Variants in CAPZA2 observed in about 807,000 individuals in gnomAD.
The protein encoded by CAPZA2 is F-actin-capping protein subunit alpha-2.
CAPZA2 carries 13 observed loss-of-function variants against 44.0 expected under a neutral mutation model. The ratio of observed to expected loss-of-function variants is 0.30; its 90% CI spans 0.19 to 0.47. The LOEUF (loss-of-function observed/expected upper bound fraction) is 0.47. Among genes scored for constraint, CAPZA2 ranks in the 20% least tolerant of loss-of-function variants. The pLI is 1.00. For missense variants in CAPZA2, 244 were observed against 338.6 expected, an observed-to-expected ratio of 0.72 and a Z score of 2.19; for synonymous variants, 94 against 108.2, an observed-to-expected ratio of 0.87 and a Z score of 0.81.
intron 1 of CAPZA2, among the ~76,000 whole-genome samples, chr7:116,886,552 A>T (rs945655969): frequency 6.6e-6 from 1 of 152,218 alleles, no homozygotes; most frequent in Non-Finnish European, 1.5e-5. Context: ...CAAAGCAATG[A>T]TAGTGCTATC....
intron 1 of CAPZA2, among the ~76,000 whole-genome samples, chr7:116,865,699 C>T (rs1434709800): frequency 6.6e-6 from 1 of 152,056 alleles, no homozygotes; most frequent in African/African-American, 2.4e-5. Flanking sequence ...ACCTCAGTCT[C>T]CCCAAGTAGC....
At chr7:116,914,413 A>G (rs958150239) in intron 8 of CAPZA2, among the ~76,000 whole-genome samples, 2 of 146,080 alleles carry the variant, frequency 1.4e-5, no homozygotes, top group Non-Finnish European at 3.0e-5. Context: ...AAGATAAGCT[A>G]TATTTACATA....
chr7:116,909,486 C>T (rs1378613034), intron 6 of CAPZA2, among the ~76,000 whole-genome samples: 1 of 151,738 alleles, frequency 6.6e-6, no homozygotes, highest in Non-Finnish European at 1.5e-5. Flanking sequence ...CAGTTTCAAA[C>T]CATGAATATG....
intron 1 of CAPZA2, among the ~76,000 whole-genome samples, chr7:116,887,773 C>T (rs1207476323): frequency 6.6e-6 from 1 of 152,238 alleles, no homozygotes; most frequent in Non-Finnish European, 1.5e-5. Context: ...GCAGAAGTTG[C>T]AGTGAGCTGA....
Position 116,896,604 on chromosome 7 carries a change from A to G in CAPZA2, c.156-2168A>G, listed in dbSNP as rs537013797. On this transcript the variant is annotated intron_variant, in intron 3 of 9. Coordinates refer to ENST00000361183, the MANE Select transcript of CAPZA2 (RefSeq NM_006136.3). The stretch of plus-strand genomic sequence containing the variant: ...GATGTGGCTAAACTTAGGGAAGAGC[A>G]TGGAGAAAAGTATAAGATACAACTT... Among the ~76,000 whole-genome samples the G allele has an allele frequency of 3.7e-4, 56 of 152,284 alleles. 1 individual carries two copies. The highest frequency in any genetic ancestry group is 1.3e-3 in the African/African-American group (55 of 41,570).
At chr7:116,914,165 C>T (rs1247738674) in intron 8 of CAPZA2, among the ~76,000 whole-genome samples, 1 of 151,334 alleles carries the variant, frequency 6.6e-6, no homozygotes, top group East Asian at 2.0e-4. Context: ...GTAGCTGGGA[C>T]TACAGGTGCC....
At chr7:116,890,777 CAAAAAAAAAAAA>C (rs576504004) in intron 2 of CAPZA2, among the ~76,000 whole-genome samples, 1 of 53,434 alleles carries the variant, frequency 1.9e-5, no homozygotes, top group Non-Finnish European at 3.1e-5. Flanking sequence ...GACTCTGTCT[CAAAAAAAAAAAA>C]AAAAAAAAAA....
chr7:116,890,567 TAC>T (rs1477576843), intron 2 of CAPZA2, among the ~76,000 whole-genome samples: 5 of 15,122 alleles, frequency 3.3e-4, no homozygotes, highest in African/African-American at 7.8e-4. Context: ...TATATATATA[TAC>T]ACATATATAT....
intron 4 of CAPZA2, 117 bp from the exon 5 acceptor site, chr7:116,904,060 T>C: frequency 1.5e-6 from 1 of 645,432 alleles, no homozygotes; most frequent in South Asian, 2.0e-5. Context: ...AAATATATGC[T>C]TGGAGTAGGA....
At chr7:116,863,292 C>T (rs1257670149) in intron 1 of CAPZA2, among the ~76,000 whole-genome samples, 2 of 152,286 alleles carry the variant, frequency 1.3e-5, no homozygotes, top group East Asian at 3.9e-4. Flanking sequence ...CTTGCAGCTC[C>T]CATGTTCCCC....
chr7:116,880,018 A>C, intron 1 of CAPZA2: 4 of 443,594 alleles, frequency 9.0e-6, no homozygotes, highest in South Asian at 6.7e-5. Context: ...CAGATATGGG[A>C]GTATATAGGC....
At chr7:116,870,294 A>G (rs1796535938) in intron 1 of CAPZA2, among the ~76,000 whole-genome samples, 1 of 152,240 alleles carries the variant, frequency 6.6e-6, no homozygotes, top group Non-Finnish European at 1.5e-5. Context: ...GGTATGGTAA[A>G]CATCAGTTGG....
chr7:116,906,501 C>T (rs1791515090), intron 6 of CAPZA2, 159 bp downstream of exon 6: 2 of 1,243,530 alleles, frequency 1.6e-6, no homozygotes, highest in African/African-American at 1.5e-5. Flanking sequence ...GGTAAATTTG[C>T]TCAACAGCCT....
intron 5 of CAPZA2, among the ~76,000 whole-genome samples, chr7:116,905,563 G>A (rs1309311105): frequency 6.6e-6 from 1 of 152,182 alleles, no homozygotes; most frequent in Non-Finnish European, 1.5e-5. Context: ...GTCTGCTTAA[G>A]TATCTAGCTC....
At chr7:116,912,243 T>G in intron 8 of CAPZA2, 103 bp downstream of exon 8, 26 of 1,504,440 alleles carry the variant, frequency 1.7e-5, no homozygotes, top group Non-Finnish European at 2.3e-5. Flanking sequence ...CAGATTACCG[T>G]GTTTTCTGAT....
intron 2 of CAPZA2, among the ~76,000 whole-genome samples, chr7:116,892,660 G>GT (rs988036115): frequency 2.0e-5 from 3 of 151,764 alleles, no homozygotes; most frequent in Non-Finnish European, 4.4e-5. Flanking sequence ...AAAAACTCAC[G>GT]ATGTTTTAGA....
At chr7:116,896,151 T>G (rs1283925918) in intron 3 of CAPZA2, among the ~76,000 whole-genome samples, 1 of 152,206 alleles carries the variant, frequency 6.6e-6, no homozygotes, top group Non-Finnish European at 1.5e-5. Flanking sequence ...CACCTTTGCC[T>G]TGTTGCTTTA....
intron 2 of CAPZA2, among the ~76,000 whole-genome samples, chr7:116,889,423 CT>C (rs1796802695): frequency 6.6e-6 from 1 of 150,470 alleles, no homozygotes; most frequent in Non-Finnish European, 1.5e-5. Context: ...ATTTTTTTTT[CT>C]TAGTATAAGA....
chr7:116,915,336 T>C (rs1585016424), intron 8 of CAPZA2: 2 of 152,006 alleles, frequency 1.3e-5, no homozygotes, highest in African/African-American at 4.8e-5. Context: ...TAAGAGAAAT[T>C]TGTCCACAAG....
Sources: gnomAD v4.1 joint callset for allele counts (sites outside exome capture counted in the v4.1 genomes callset) on GRCh38, gnomAD v4.1.1 for gene constraint, MANE v1.5 for transcripts, NCBI Gene and HGNC (gene_info 2026-07-23, HGNC 2026-07-21) for gene names.